The following PCSK6 variants were observed in gnomAD, a reference collection of about 807,000 sequenced individuals.
The protein encoded by PCSK6 is proprotein convertase subtilisin/kexin type 6.
A neutral mutation model predicts 123.3 loss-of-function variants in PCSK6; 85 were observed. That is an observed-to-expected ratio of 0.69 (90% confidence interval 0.58 to 0.83). PCSK6 has a LOEUF of 0.83. PCSK6 is among the 40% of genes least tolerant of loss of function. The probability of loss-of-function intolerance (pLI) is 0.00; values close to 1 mark genes in which losing one functional copy is unlikely to be tolerated. For missense variants in PCSK6, 1,191 were observed against 1,282.3 expected (o/e 0.93, Z 1.09); for synonymous variants, 508 against 516.0 (o/e 0.98, Z 0.21).
In PCSK6 at chr15:101,305,682, TGGGCAAGAAGAACAAAACTCC is replaced by T. The variant is rs2039707002; in HGVS notation, c.2813-348_2813-328del. 1 of 206,706 alleles carries T rather than the reference TGGGCAAGAAGAACAAAACTCC, an allele frequency of 4.8e-6. No individual in the cohort carries two copies. Among genetic ancestry groups the T allele is most frequent in the Non-Finnish European group, 9.8e-6 (1 of 102,232 alleles). 12.8% of individuals were successfully genotyped at this position (206,706 alleles called of 1,614,324 possible). ...GAGATCATGCCACTGCACTCCAGCCTGGGCAAGAAGAACAAAACTCCGTCTCAAAAATAAATAAATAAATAC... is the reference window on the plus strand; with the variant it reads ...GAGATCATGCCACTGCACTCCAGCCTGTCTCAAAAATAAATAAATAAATAC... On this transcript the variant is annotated intron_variant, in intron 21 of 21. Coordinates refer to ENST00000611716, the MANE Select transcript of PCSK6 (RefSeq NM_002570.5). The surrounding 1 kb of genome is among the most constrained non-coding windows in gnomAD (Gnocchi z 4.8).
At chr15:101,412,672 G>T (rs908207313) in intron 6 of PCSK6, among the ~76,000 whole-genome samples, 2 of 121,096 alleles carry the variant, frequency 1.7e-5, no homozygotes, top group African/African-American at 6.9e-5. Flanking sequence ...CAGGACAGAA[G>T]AAAGAGTGAA....
Position 101,305,855 on chromosome 15 carries a change from G to C in PCSK6, c.2813-500C>G, listed in dbSNP as rs1178034639. 6.4e-6 allele frequency: 1 copy of C among 155,658 alleles called. No individual in the cohort carries two copies. Among genetic ancestry groups the C allele is most frequent in the Admixed American group, 6.3e-5 (1 of 15,898 alleles). The allele number at this position is 155,658 out of a possible 1,614,324, so 9.6% of individuals were successfully genotyped here. ...GAAGCCCCTCTCCTGCAATGCACTT[G>C]ACTCTGGGAGCCCTGTGTGGCGGGA... On this transcript the variant is annotated intron_variant, in intron 21 of 21. Coordinates refer to ENST00000611716, the MANE Select transcript of PCSK6 (RefSeq NM_002570.5). This position sits in a 1 kb window ranked among gnomAD's most constrained non-coding sequence, Gnocchi z 4.8.
intron 12 of PCSK6, among the ~76,000 whole-genome samples, chr15:101,366,874 A>G (rs2041412023): frequency 6.6e-6 from 1 of 152,218 alleles, no homozygotes; most frequent in Admixed American, 6.5e-5. Flanking sequence ...AGCTGTGTGC[A>G]CTGTTCTCTG....
intron 9 of PCSK6, among the ~76,000 whole-genome samples, chr15:101,388,447 T>G (rs4965839): frequency 1.2e-4 from 19 of 152,024 alleles, no homozygotes; most frequent in Admixed American, 8.5e-4. Context: ...TACAATTTGG[T>G]TTTGACTCTA....
At chr15:101,409,384 G>C (rs976005621) in intron 6 of PCSK6, among the ~76,000 whole-genome samples, 17 of 152,126 alleles carry the variant, frequency 1.1e-4, no homozygotes, top group Admixed American at 2.6e-4. Context: ...AGGAGATCGA[G>C]ACCATCCTGG....
intron 13 of PCSK6, chr15:101,334,455 C>G (rs986254193): frequency 6.6e-6 from 1 of 151,208 alleles, no homozygotes; most frequent in Non-Finnish European, 1.5e-5. Flanking sequence ...TTGTTCTCAC[C>G]GCTGCAGCAG....
intron 10 of PCSK6, among the ~76,000 whole-genome samples, chr15:101,382,622 C>T (rs905880220): frequency 1.1e-4 from 16 of 152,174 alleles, no homozygotes; most frequent in African/African-American, 3.1e-4. Context: ...ACCACGTGCC[C>T]GAAATGCAAT....
rs1168922697 is a variant in PCSK6, at chr15:101,443,661, C to G, written c.298-1G>C. ...GGTAGTAATCTTCCAGGTTTCCAATCTGCAAGACAAGAAGCAGAATGCCAT... is the reference window on the plus strand; with the variant it reads ...GGTAGTAATCTTCCAGGTTTCCAATGTGCAAGACAAGAAGCAGAATGCCAT... On this transcript the variant is annotated splice_acceptor_variant, in intron 1 of 21. Transcript: ENST00000611716. LOFTEE classifies it high-confidence loss of function. 1 of 1,608,448 alleles carries G rather than the reference C, an allele frequency of 6.2e-7. No homozygotes were observed. The highest frequency in any genetic ancestry group is 8.5e-7 in the Non-Finnish European group (1 of 1,174,868).
intron 10 of PCSK6, among the ~76,000 whole-genome samples, chr15:101,383,409 CAAAA>C (rs35670221): frequency 1.5e-3 from 114 of 76,498 alleles, no homozygotes; most frequent in African/African-American, 4.7e-3. Context: ...GACTCTGTCT[CAAAA>C]AAAAAAAAAA....
intron 2 of PCSK6, among the ~76,000 whole-genome samples, chr15:101,440,035 A>T (rs974800395): frequency 3.9e-5 from 6 of 152,258 alleles, no homozygotes; most frequent in Non-Finnish European, 7.3e-5. Context: ...CCAGCTTGGA[A>T]CATAATCAGA....
intron 6 of PCSK6, among the ~76,000 whole-genome samples, chr15:101,416,411 A>C (rs934671862): frequency 1.3e-5 from 2 of 152,274 alleles, no homozygotes; most frequent in Admixed American, 6.5e-5. Flanking sequence ...CTGTTTTAAA[A>C]GGGAAGCAGA....
intron 12 of PCSK6, among the ~76,000 whole-genome samples, chr15:101,369,710 T>C (rs2041516916): frequency 6.6e-6 from 1 of 152,174 alleles, no homozygotes; most frequent in East Asian, 1.9e-4. Context: ...TATTTCCCCT[T>C]GTTTCTAAGT....
chr15:101,307,426 C>A (rs1339726807), intron 20 of PCSK6, 101 bp from the exon 21 acceptor site: 1 of 787,962 alleles, frequency 1.3e-6, no homozygotes, highest in Non-Finnish European at 2.1e-6. Flanking sequence ...CTTCCCACCC[C>A]CTCAGCCTCG....
intron 1 of PCSK6, among the ~76,000 whole-genome samples, chr15:101,482,482 C>T (rs939237680): frequency 2.0e-5 from 3 of 152,194 alleles, no homozygotes; most frequent in Non-Finnish European, 4.4e-5. Context: ...GGCTGAGCTG[C>T]AGAAGATCAG....
At chr15:101,481,129 A>T (rs1370141062) in intron 1 of PCSK6, among the ~76,000 whole-genome samples, 2 of 152,182 alleles carry the variant, frequency 1.3e-5, no homozygotes, top group Non-Finnish European at 2.9e-5. Flanking sequence ...CCAGAGGCCT[A>T]ACTTTGGGCT....
chr15:101,391,735 C>T (rs1373956015), intron 8 of PCSK6, among the ~76,000 whole-genome samples: 4 of 152,134 alleles, frequency 2.6e-5, no homozygotes, highest in African/African-American at 7.2e-5. Context: ...GAGCAGCACT[C>T]GTCTCCCTGG....
intron 10 of PCSK6, 85 bp from the exon 11 acceptor site, chr15:101,382,294 A>G: frequency 9.4e-7 from 1 of 1,066,312 alleles, no homozygotes; most frequent in South Asian, 1.4e-5. Context: ...GCCGGGCCCC[A>G]TGGAGGACAG....
intron 19 of PCSK6, among the ~76,000 whole-genome samples, chr15:101,317,134 A>G (rs2141345828): frequency 6.6e-6 from 1 of 151,138 alleles, no homozygotes; most frequent in South Asian, 2.1e-4. Context: ...CTGGTCTTGA[A>G]CTCCTGACCT....
At chr15:101,393,172 G>GCA in intron 8 of PCSK6, 40 bp downstream of exon 8, 1 of 1,442,834 alleles carries the variant, frequency 6.9e-7, no homozygotes, top group Non-Finnish European at 9.7e-7. Context: ...GAGGGCTGAG[G>GCA]CACTCACTGT....
Sources: allele counts gnomAD v4.1 joint callset (sites outside exome capture counted in the v4.1 genomes callset), GRCh38; gene constraint gnomAD v4.1.1; non-coding constraint Gnocchi (gnomAD v3.1); transcripts MANE v1.5; gene names NCBI Gene and HGNC (gene_info 2026-07-23, HGNC 2026-07-21).